The following SMYD3 variants were observed in gnomAD, a reference collection of about 807,000 sequenced individuals.
The protein encoded by SMYD3 is SET and MYND domain containing 3.
In SMYD3, 36 loss-of-function variants were observed where a neutral mutation model predicts 57.7. The observed-to-expected ratio is 0.62, with a 90% CI of 0.48 to 0.82. The LOEUF is 0.82. Ranked by LOEUF, SMYD3 falls within the 40% of genes least tolerant of loss-of-function variation. The probability of loss-of-function intolerance (pLI) is 0.00; values close to 1 mark genes in which losing one functional copy is unlikely to be tolerated. For missense variants in SMYD3, 515 were observed against 538.8 expected (o/e 0.96, Z 0.44); for synonymous variants, 211 against 195.0 (o/e 1.08, Z -0.68).
chr1:246,055,624 T>C (rs1473153215), intron 5 of SMYD3, among the ~76,000 whole-genome samples: 4 of 152,170 alleles, frequency 2.6e-5, no homozygotes, highest in Non-Finnish European at 4.4e-5. Flanking sequence ...AACAGATGAA[T>C]GGAGAAATCA....
chr1:246,498,916 G>C (rs961469883), intron 1 of SMYD3, among the ~76,000 whole-genome samples: 1 of 151,292 alleles, frequency 6.6e-6, no homozygotes, highest in African/African-American at 2.4e-5. Context: ...AGCCTCCCAA[G>C]TAACTGTGAT....
In SMYD3 at chr1:246,132,311, G is replaced by A. The variant is rs571594452; in HGVS notation, c.531+194890C>T. 3.2e-4 allele frequency among the ~76,000 whole-genome samples: 48 copies of A among 151,920 alleles called. No homozygotes were observed. The South Asian group carries it at 3.7e-3, about 12-fold the overall frequency. On this transcript the variant is annotated intron_variant, in intron 5 of 11. Coordinates refer to ENST00000490107, the MANE Select transcript of SMYD3 (RefSeq NM_001167740.2). ...TTTATGTTTTTAAAAAATTAATTGG[G>A]TTATGAAAAAAACAATCCATGTACA... is the stretch of plus-strand genomic sequence containing the variant.
intron 10 of SMYD3, among the ~76,000 whole-genome samples, chr1:245,830,810 C>A (rs1164222909): frequency 6.6e-6 from 1 of 152,194 alleles, no homozygotes; most frequent in Non-Finnish European, 1.5e-5. Context: ...ACACCTATCT[C>A]TAAACCAGAA....
Position 246,391,169 on chromosome 1 carries a change from C to T in SMYD3, c.165-36075G>A, listed in dbSNP as rs750516004. ...GGGAGGTCAAAGTGAGAGGATCACT[C>T]GAGGCCAGGAGTTCAAGATCAGCCT... On this transcript the variant is annotated intron_variant, in intron 1 of 11. Coordinates refer to ENST00000490107, the MANE Select transcript of SMYD3 (RefSeq NM_001167740.2). 2.1e-4 allele frequency among the ~76,000 whole-genome samples: 31 copies of T among 148,520 alleles called. 1 individual carries two copies. The highest frequency in any genetic ancestry group is 3.4e-4 in the Non-Finnish European group (23 of 67,490).
chr1:245,786,220 G>GGT (rs1472999253), intron 10 of SMYD3, among the ~76,000 whole-genome samples: 1 of 146,540 alleles, frequency 6.8e-6, no homozygotes, highest in East Asian at 2.0e-4. Flanking sequence ...GGACGGGGGG[G>GGT]GGATGGTGGC....
intron 10 of SMYD3, among the ~76,000 whole-genome samples, chr1:245,807,018 C>A (rs1204643904): frequency 6.7e-6 from 1 of 148,294 alleles, no homozygotes; most frequent in East Asian, 2.0e-4. Flanking sequence ...GGATTGAGGA[C>A]AGGGCTGAAG....
At chr1:245,866,734 A>AAAAAG (rs1318635113) in intron 8 of SMYD3, among the ~76,000 whole-genome samples, 1 of 152,190 alleles carries the variant, frequency 6.6e-6, no homozygotes, top group Non-Finnish European at 1.5e-5. Flanking sequence ...TCTGCCTCAA[A>AAAAAG]AAAAGAAAAG....
At chr1:246,371,988 C>T (rs1008439853) in intron 1 of SMYD3, among the ~76,000 whole-genome samples, 1 of 152,156 alleles carries the variant, frequency 6.6e-6, no homozygotes, top group Non-Finnish European at 1.5e-5. Flanking sequence ...TAAGCAATGA[C>T]AAAATCTCAA....
chr1:245,750,648 A>C (rs530635241), intron 11 of SMYD3, among the ~76,000 whole-genome samples: 1 of 150,226 alleles, frequency 6.7e-6, no homozygotes, highest in African/African-American at 2.4e-5. Flanking sequence ...AACAACAAAC[A>C]ACCAGAGTAT....
intron 10 of SMYD3, among the ~76,000 whole-genome samples, chr1:245,847,425 T>A (rs1009770040): frequency 6.6e-6 from 1 of 152,370 alleles, no homozygotes; most frequent in Non-Finnish European, 1.5e-5. Context: ...AAGTAGCATG[T>A]AAGCGTGCTG....
intron 1 of SMYD3, among the ~76,000 whole-genome samples, chr1:246,384,831 GT>G (rs1211183163): frequency 6.6e-6 from 1 of 152,168 alleles, no homozygotes; most frequent in African/African-American, 2.4e-5. Flanking sequence ...AACTAAGGTA[GT>G]TAACTGATTC....
At chr1:245,959,893 C>T (rs10924405) in intron 5 of SMYD3, among the ~76,000 whole-genome samples, 19,571 of 152,050 alleles carry the variant, frequency 0.13, 1,598 homozygotes, top group East Asian at 0.41. Context: ...ATTTTCCTAC[C>T]TCAGCCTCCT....
chr1:246,238,408 T>A (rs1401075640), intron 5 of SMYD3, among the ~76,000 whole-genome samples: 3 of 152,224 alleles, frequency 2.0e-5, no homozygotes, highest in Admixed American at 2.0e-4. Flanking sequence ...TGATTATTTT[T>A]AATTCATTAA....
chr1:246,399,053 GCT>G (rs541237267), intron 1 of SMYD3, among the ~76,000 whole-genome samples: 87 of 152,132 alleles, frequency 5.7e-4, no homozygotes, highest in African/African-American at 2.0e-3. Flanking sequence ...ACAGAGTCTT[GCT>G]CTGTCTCCCA....
At position 246,378,676 on chromosome 1, in the gene SMYD3, C is replaced by T. The variant is rs984901184; in HGVS notation, c.165-23582G>A. On this transcript the variant is annotated intron_variant, in intron 1 of 11. Transcript: ENST00000490107. ...ATATACACACACACATATATATATA[C>T]ACATATATATACTTAATAAACTCCC... is the stretch of plus-strand genomic sequence containing the variant. Among the ~76,000 whole-genome samples, 79 of 113,184 alleles carry T rather than the reference C, an allele frequency of 7.0e-4. 1 individual carries two copies. The highest frequency in any genetic ancestry group is 1.1e-3 in the Non-Finnish European group (63 of 57,938). 74.3% of individuals were successfully genotyped at this position (113,184 alleles called of 152,430 possible).
intron 5 of SMYD3, among the ~76,000 whole-genome samples, chr1:245,980,223 C>T (rs1426250123): frequency 6.6e-6 from 1 of 152,240 alleles, no homozygotes; most frequent in East Asian, 1.9e-4. Context: ...TTTTCATTTG[C>T]TTTACTGTGA....
chr1:245,812,022 A>G (rs2048498417), intron 10 of SMYD3, among the ~76,000 whole-genome samples: 1 of 152,092 alleles, frequency 6.6e-6, no homozygotes, highest in Non-Finnish European at 1.5e-5. Context: ...TTCAAAATTG[A>G]TTTTCCATTT....
chr1:245,833,073 A>AAACAAAAAAAAAAAAACACAAC (rs1553337079), intron 10 of SMYD3, among the ~76,000 whole-genome samples: 1 of 128,652 alleles, frequency 7.8e-6, no homozygotes, highest in African/African-American at 3.0e-5. Context: ...AAAAAAAAAA[A>AAACAAAAAAAAAAAAACACAAC]AACCTGCTTT....
chr1:245,793,230 A>AC lies in SMYD3; in HGVS notation c.1077-29082dup, dbSNP rs576336980. Among the ~76,000 whole-genome samples, 383 of 151,282 alleles carry AC rather than the reference A, an allele frequency of 2.5e-3. 2 individuals carry two copies. The highest frequency in any genetic ancestry group is 8.7e-3 in the African/African-American group (360 of 41,168). ...AGGCTGAGGCAGGAGAATCGCTTGA[A>AC]CCCAGGAGACGGAGCTTGAAGTGAG... On this transcript the variant is annotated intron_variant, in intron 10 of 11. Coordinates refer to ENST00000490107, the MANE Select transcript of SMYD3 (RefSeq NM_001167740.2).
Sources: allele counts gnomAD v4.1 joint callset (sites outside exome capture counted in the v4.1 genomes callset), GRCh38; gene constraint gnomAD v4.1.1; transcripts MANE v1.5; gene names NCBI Gene and HGNC (gene_info 2026-07-23, HGNC 2026-07-21).